Variants in BRCA1 observed in about 807,000 individuals in gnomAD.
BRCA1 encodes BRCA1 DNA repair associated.
A neutral mutation model predicts 173.7 loss-of-function variants in BRCA1; 140 were observed. The ratio of observed to expected loss-of-function variants is 0.81; its 90% CI spans 0.70 to 0.93. The LOEUF is 0.93. BRCA1 is among the 40% of genes least tolerant of loss of function. The pLI is 0.00. For synonymous variants in BRCA1, 662 were observed against 756.0 expected (o/e 0.88, Z 2.04); for missense variants, 1,983 against 2,172.5 (o/e 0.91, Z 1.73).
At chr17:43,076,696 C>T (rs2052752282) in intron 12 of BRCA1, 82 bp from the exon 13 acceptor site, 3 of 1,527,318 alleles carry the variant, frequency 2.0e-6, no homozygotes, top group Non-Finnish European at 2.7e-6. Context: ...TGATTTTTTT[C>T]AAAAGCATCA....
chr17:43,094,792 T>C lies in BRCA1; in HGVS notation c.739A>G (p.Asn247Asp), dbSNP rs767720128. The change falls in exon 10 of 23, where the codon AAC becomes GAC. Residue 247 changes from asparagine (N) to aspartate (D), a missense_variant. Physicochemically the swap from Asn to Asp is conservative, Grantham distance 23 (BLOSUM62 1). Coordinates refer to ENST00000357654, the MANE Select transcript of BRCA1 (RefSeq NM_007294.4). ...TCAGCTGCACGCTTCTCAGTGGTGTTCAAATCATTATTACTGGGTTGATGA... is the reference window on the plus strand; with the variant it reads ...TCAGCTGCACGCTTCTCAGTGGTGTCCAAATCATTATTACTGGGTTGATGA... ...EHHQPSNNDL[N>D]TTEKRAAERH... 1 of 1,613,382 alleles carries C rather than the reference T, an allele frequency of 6.2e-7. No individual in the cohort carries two copies. Among genetic ancestry groups the C allele is most frequent in the Non-Finnish European group, 8.5e-7 (1 of 1,179,768 alleles).
At chr17:43,146,088 T>A (rs1403951271) in intron 1 of BRCA1, among the ~76,000 whole-genome samples, 2 of 152,084 alleles carry the variant, frequency 1.3e-5, no homozygotes, top group Non-Finnish European at 2.9e-5. Context: ...CTAATAACTT[T>A]GTTATTGTGA....
chr17:43,118,132 C>T (rs1388180195), intron 2 of BRCA1, among the ~76,000 whole-genome samples: 1 of 152,068 alleles, frequency 6.6e-6, no homozygotes, highest in Non-Finnish European at 1.5e-5. Context: ...TAGAGGATAG[C>T]TTAATAATGT....
intron 1 of BRCA1, among the ~76,000 whole-genome samples, chr17:43,131,927 G>C (rs1224399204): frequency 6.6e-6 from 1 of 152,090 alleles, no homozygotes; most frequent in Admixed American, 6.5e-5. Context: ...GGGACTACAG[G>C]CATGCACCAC....
chr17:43,048,853 C>T (rs2051057435), intron 21 of BRCA1, among the ~76,000 whole-genome samples: 1 of 151,964 alleles, frequency 6.6e-6, no homozygotes, highest in African/African-American at 2.4e-5. Context: ...TGTTGAAACA[C>T]AGTATGCTGG....
intron 16 of BRCA1, among the ~76,000 whole-genome samples, chr17:43,065,161 C>G (rs1402999090): frequency 2.0e-5 from 3 of 152,028 alleles, no homozygotes; most frequent in Non-Finnish European, 4.4e-5. Flanking sequence ...TTGATGCAAA[C>G]CTATAGCTTA....
At chr17:43,091,266 G>A (rs1003201275) in intron 10 of BRCA1, 169 bp downstream of exon 10, 5 of 945,568 alleles carry the variant, frequency 5.3e-6, no homozygotes, top group African/African-American at 5.0e-5. Context: ...CTAGCTGTGT[G>A]AAGGACTTTT....
chr17:43,047,712 C>T lies in BRCA1; in HGVS notation c.5407-9G>A, dbSNP rs551078372. 6.2e-7 allele frequency: 1 copy of T among 1,614,024 alleles called. No individual in the cohort carries two copies. The highest frequency in any genetic ancestry group is 1.3e-5 in the African/African-American group (1 of 75,040). ...ACAATTGGGTGGACACCCTGGATCC[C>T]CAGGAAGGAAAGAGCATTCAAAGTG... On this transcript the variant is annotated splice_polypyrimidine_tract_variant and intron_variant, in intron 21 of 22. Transcript: ENST00000357654.
intron 15 of BRCA1, among the ~76,000 whole-genome samples, chr17:43,069,242 G>A (rs1467155305): frequency 6.6e-6 from 1 of 152,232 alleles, no homozygotes; most frequent in Non-Finnish European, 1.5e-5. Context: ...CCTTGAAACT[G>A]TTCAGTTAGA....
intron 18 of BRCA1, among the ~76,000 whole-genome samples, chr17:43,059,854 T>C (rs1379258816): frequency 6.6e-6 from 1 of 152,158 alleles, no homozygotes; most frequent in Non-Finnish European, 1.5e-5. Flanking sequence ...TTGTGTAATC[T>C]CTGCCTCCAC....
Position 43,099,755 on chromosome 17 carries a change from A to T in BRCA1, c.547+20T>A, listed in dbSNP as rs2054287186. The T allele has an allele frequency of 6.4e-7, 1 of 1,567,584 alleles. No individual in the cohort carries two copies. The highest frequency in any genetic ancestry group is 1.4e-5 in the African/African-American group (1 of 73,856). Reference sequence around the variant, plus strand: ...ATCCAGCAATTATTATTAAATACTTAAAAAACCTGAGACCCTTACCCAATT... The same window carrying T: ...ATCCAGCAATTATTATTAAATACTTTAAAAACCTGAGACCCTTACCCAATT... On this transcript the variant is annotated intron_variant, in intron 7 of 22. Transcript: ENST00000357654.
At chr17:43,165,158 T>G (rs1212046469) in intron 1 of BRCA1, among the ~76,000 whole-genome samples, 1 of 152,240 alleles carries the variant, frequency 6.6e-6, no homozygotes, top group Non-Finnish European at 1.5e-5. Context: ...TTGTTAATGT[T>G]TGACCATAAG....
chr17:43,132,775 T>A (rs11651905), intron 1 of BRCA1: 46,685 of 150,654 alleles, frequency 0.31, 7,852 homozygotes, highest in South Asian at 0.49. Flanking sequence ...ATTTTATTTT[T>A]TTTTTTGAGA....
intron 1 of BRCA1, chr17:43,160,935 T>TA (rs2056232148): frequency 1.3e-5 from 2 of 152,126 alleles, no homozygotes; most frequent in South Asian, 4.1e-4. Context: ...TTATAACTCT[T>TA]ATTATAAGAG....
At chr17:43,087,587 G>A (rs534450069) in intron 11 of BRCA1, among the ~76,000 whole-genome samples, 139 of 151,554 alleles carry the variant, frequency 9.2e-4, no homozygotes, top group African/African-American at 3.3e-3. Flanking sequence ...GCATGAACCC[G>A]GGAGGCAGAG....
Position 43,063,430 on chromosome 17 carries a change from C to G in BRCA1, c.5153-57G>C, listed in dbSNP as rs1216136190. 9.0e-6 allele frequency: 13 copies of G among 1,440,260 alleles called. No individual in the cohort carries two copies. The Admixed American group carries it at 1.8e-4, about 20-fold the overall frequency. The allele number at this position is 1,440,260 out of a possible 1,614,324, so 89.2% of individuals were successfully genotyped here. On this transcript the variant is annotated intron_variant, in intron 17 of 22. Coordinates refer to ENST00000357654, the MANE Select transcript of BRCA1 (RefSeq NM_007294.4). ...ACAGCAGAAGAACGTGCTCTTTTCA[C>G]GGAGATAGAGAGGTCAGCGATTCAC...
chr17:43,103,991 C>A, intron 6 of BRCA1, 131 bp downstream of exon 6: 1 of 1,192,096 alleles, frequency 8.4e-7, no homozygotes, highest in Non-Finnish European at 1.2e-6. Flanking sequence ...CCTGTAATCC[C>A]AGCTACTAAG....
At chr17:43,079,765 T>A in intron 12 of BRCA1, 1 of 1,243,818 alleles carries the variant, frequency 8.0e-7, no homozygotes. Flanking sequence ...CTATTCCCTA[T>A]GAATTCATGG....
chr17:43,094,697 A>C lies in BRCA1; in HGVS notation c.834T>G (p.Thr278=), dbSNP rs762956862. 1.2e-6 allele frequency: 2 copies of C among 1,613,334 alleles called. No homozygotes were observed. The highest frequency in any genetic ancestry group is 2.2e-5 in the East Asian group (1 of 44,878). The change falls in exon 10 of 23, where the codon ACT becomes ACG. Residue 278 remains threonine (T), a synonymous_variant. Transcript: ENST00000357654. ...NLHVEPCGTN[T]HASSLQHENS... The stretch of plus-strand genomic sequence containing the variant: ...TCTCATGCTGTAATGAGCTGGCATG[A>C]GTATTTGTGCCACATGGCTCCACAT...
Sources: gnomAD v4.1 joint callset for allele counts (sites outside exome capture counted in the v4.1 genomes callset) on GRCh38, gnomAD v4.1.1 for gene constraint, MANE v1.5 for transcripts, NCBI Gene and HGNC (gene_info 2026-07-23, HGNC 2026-07-21) for gene names.